The following PAX7 variants were observed in gnomAD, a reference collection of about 807,000 sequenced individuals.
PAX7 encodes paired box protein Pax-7.
In PAX7, 18 loss-of-function variants were observed where a neutral mutation model predicts 50.7. The observed-to-expected ratio is 0.36, with a 90% CI of 0.25 to 0.53. PAX7 has a LOEUF of 0.53. Ranked by LOEUF, PAX7 falls within the 20% of genes least tolerant of loss-of-function variation. PAX7 has a pLI of 0.93. For missense variants in PAX7, 644 were observed against 702.9 expected (o/e 0.92, Z 0.95); for synonymous variants, 310 against 290.4 (o/e 1.07, Z -0.69).
At position 18,747,632 on chromosome 1, in the gene PAX7, A is replaced by C. The variant is rs1931498902; in HGVS notation, c.*2703A>C. On this transcript the variant is annotated 3_prime_UTR_variant, in exon 9 of 9. Coordinates refer to ENST00000420770, the MANE Select transcript of PAX7 (RefSeq NM_001135254.2). ...CCAGTGGCCAGGCCGTCCCAGAAAC[A>C]ACCCCCATCCATCCCTGTAAATAGA... 4.8e-6 allele frequency: 1 copy of C among 210,470 alleles called. No homozygotes were observed. The highest frequency in any genetic ancestry group is 9.7e-6 in the Non-Finnish European group (1 of 103,570). The allele number at this position is 210,470 out of a possible 1,614,324, so 13.0% of individuals were successfully genotyped here.
intron 7 of PAX7, among the ~76,000 whole-genome samples, chr1:18,711,040 C>T (rs2100344916): frequency 6.6e-6 from 1 of 152,350 alleles, no homozygotes; most frequent in South Asian, 2.1e-4. Flanking sequence ...TGCCCGCTTC[C>T]TCCCTTTGCC....
chr1:18,704,370 C>T (rs969864532), intron 7 of PAX7, among the ~76,000 whole-genome samples: 3 of 152,160 alleles, frequency 2.0e-5, no homozygotes, highest in South Asian at 2.1e-4. Context: ...CCTGTAATCC[C>T]AGCACTTTGG....
chr1:18,703,906 A>G (rs2089253785), intron 7 of PAX7, among the ~76,000 whole-genome samples: 1 of 152,186 alleles, frequency 6.6e-6, no homozygotes, highest in Non-Finnish European at 1.5e-5. Context: ...AAGCCTGTGG[A>G]ATGGGTCTAA....
chr1:18,654,799 C>A (rs1272747372), intron 4 of PAX7, among the ~76,000 whole-genome samples: 1 of 152,202 alleles, frequency 6.6e-6, no homozygotes, highest in Non-Finnish European at 1.5e-5. Context: ...TTTTACTAAT[C>A]CCATTTTACA....
intron 4 of PAX7, among the ~76,000 whole-genome samples, chr1:18,678,142 T>A (rs972760265): frequency 6.6e-6 from 1 of 151,362 alleles, no homozygotes; most frequent in Admixed American, 6.6e-5. Flanking sequence ...CCGGGCGCAG[T>A]GGCTCACGCC....
chr1:18,636,370 A>G lies in PAX7; in HGVS notation c.585A>G (p.Lys195=). The G allele has an allele frequency of 6.2e-7, 1 of 1,614,168 alleles. No individual in the cohort carries two copies. The highest frequency in any genetic ancestry group is 2.2e-5 in the East Asian group (1 of 44,882). ...GCATCGACGGCATCCTGGGCGACAA[A>G]GGTAGGGAACTTCCCTGGGCTGCGA... ...KHSIDGILGD[K]GNRLDEGSDV... is the part of the protein sequence containing the mutation. The change falls in exon 4 of 9, where the codon AAA becomes AAG. Residue 195 remains lysine (K), a splice_region_variant and synonymous_variant. Coordinates refer to ENST00000420770, the MANE Select transcript of PAX7 (RefSeq NM_001135254.2). The surrounding 1 kb of genome is among the most constrained non-coding windows in gnomAD (Gnocchi z 5.1).
rs1931438584 is a variant in PAX7, at chr1:18,746,345, A to G, written c.*1416A>G. On this transcript the variant is annotated 3_prime_UTR_variant, in exon 9 of 9. Transcript: ENST00000420770. ...TGTCAACAATTCCAGAGCAGAGGGA[A>G]GAGGCACCTTCCTTGACCACACCAG... The G allele has an allele frequency of 4.3e-6, 1 of 230,496 alleles. No individual in the cohort carries two copies. Among genetic ancestry groups the G allele is most frequent in the Non-Finnish European group, 8.6e-6 (1 of 116,366 alleles). The allele number at this position is 230,496 out of a possible 1,614,324, so 14.3% of individuals were successfully genotyped here. A position where few individuals can be genotyped will look rare whatever the true frequency, so the allele number is the denominator to read the frequency against.
chr1:18,685,878 C>T (rs1045133758), intron 4 of PAX7, among the ~76,000 whole-genome samples: 2 of 152,010 alleles, frequency 1.3e-5, no homozygotes, highest in Admixed American at 6.5e-5. Context: ...ATGATGGGAG[C>T]TGCCCCCAGC....
chr1:18,631,598 G>C lies in PAX7; in HGVS notation c.-6G>C, dbSNP rs753408357. The C allele has an allele frequency of 8.1e-6, 13 of 1,611,282 alleles. No homozygotes were observed. The highest frequency in any genetic ancestry group is 1.6e-4 in the Middle Eastern group (1 of 6,078). On this transcript the variant is annotated 5_prime_UTR_variant, in exon 1 of 9. Transcript: ENST00000420770. ...GACTTTGGATTCGTCCCCGGCGTGC[G>C]CAAGAATGGCGGCCCTTCCCGGCAC...
intron 4 of PAX7, among the ~76,000 whole-genome samples, chr1:18,652,826 T>C (rs6695765): frequency 0.6 from 90,613 of 152,146 alleles, 28,202 homozygotes; most frequent in African/African-American, 0.77. Context: ...TGCCCTCCCC[T>C]TGCCCACCTC....
intron 7 of PAX7, among the ~76,000 whole-genome samples, chr1:18,710,089 A>G (rs1447794056): frequency 6.6e-6 from 1 of 152,184 alleles, no homozygotes; most frequent in Non-Finnish European, 1.5e-5. Context: ...CATTCCATCA[A>G]TGGCACACCT....
At chr1:18,669,033 G>A (rs1307905587) in intron 4 of PAX7, among the ~76,000 whole-genome samples, 1 of 152,246 alleles carries the variant, frequency 6.6e-6, no homozygotes, top group African/African-American at 2.4e-5. Flanking sequence ...CCTGCAACAT[G>A]TCAGGGCCCA....
At chr1:18,676,046 A>G (rs1245882546) in intron 4 of PAX7, among the ~76,000 whole-genome samples, 2 of 152,188 alleles carry the variant, frequency 1.3e-5, no homozygotes, top group Non-Finnish European at 2.9e-5. Context: ...TAATTAAGAA[A>G]TAAGCCACCT....
At chr1:18,720,373 G>A (rs1008801319) in intron 7 of PAX7, among the ~76,000 whole-genome samples, 1 of 152,198 alleles carries the variant, frequency 6.6e-6, no homozygotes, top group Non-Finnish European at 1.5e-5. Flanking sequence ...GGAGGTGGCT[G>A]CGTTTCTGTA....
chr1:18,657,442 G>T (rs1342312049), intron 4 of PAX7, among the ~76,000 whole-genome samples: 1 of 151,952 alleles, frequency 6.6e-6, no homozygotes, highest in East Asian at 1.9e-4. Context: ...CTGCCTGATG[G>T]CAAAGAGACC....
rs558897964 is a variant in PAX7, at chr1:18,747,286, G to A, written c.*2357G>A. On this transcript the variant is annotated 3_prime_UTR_variant, in exon 9 of 9. Transcript: ENST00000420770. ...GGACCAATCCCAGATATCTGGTCCCGATGGTGAAATGGAACAAAGACCTGC... is the reference window on the plus strand; with the variant it reads ...GGACCAATCCCAGATATCTGGTCCCAATGGTGAAATGGAACAAAGACCTGC... The A allele has an allele frequency of 2.6e-5, 6 of 229,542 alleles. No individual in the cohort carries two copies. The highest frequency in any genetic ancestry group is 3.5e-5 in the Non-Finnish European group (4 of 115,786). 14.2% of individuals were successfully genotyped at this position (229,542 alleles called of 1,614,324 possible).
At chr1:18,633,796 T>C (rs922801066) in intron 1 of PAX7, among the ~76,000 whole-genome samples, 3 of 152,156 alleles carry the variant, frequency 2.0e-5, no homozygotes, top group African/African-American at 4.8e-5. Flanking sequence ...AACTGGATCA[T>C]TCATGACTAC....
At chr1:18,737,062 G>C (rs1022692459) in intron 8 of PAX7, among the ~76,000 whole-genome samples, 1 of 152,252 alleles carries the variant, frequency 6.6e-6, no homozygotes, top group Non-Finnish European at 1.5e-5. Context: ...GGCAGGGACC[G>C]TGGATCCTCA....
At chr1:18,643,498 A>T (rs2088290513) in intron 4 of PAX7, among the ~76,000 whole-genome samples, 1 of 152,068 alleles carries the variant, frequency 6.6e-6, no homozygotes. Flanking sequence ...GGAGGCGCCG[A>T]GGGAGGCGCC....
Sources: gnomAD v4.1 joint callset for allele counts (sites outside exome capture counted in the v4.1 genomes callset) on GRCh38, gnomAD v4.1.1 for gene constraint, Gnocchi (gnomAD v3.1) non-coding constraint, MANE v1.5 for transcripts, NCBI Gene and HGNC (gene_info 2026-07-23, HGNC 2026-07-21) for gene names.